The following STK3 variants were observed in gnomAD, a reference collection of about 807,000 sequenced individuals.
STK3 encodes serine/threonine kinase 3.
A neutral mutation model predicts 58.0 loss-of-function variants in STK3; 41 were observed. The ratio of observed to expected loss-of-function variants is 0.71; its 90% CI spans 0.55 to 0.92. STK3 has a LOEUF of 0.92. Among genes scored for constraint, STK3 ranks in the 40% least tolerant of loss-of-function variants. The pLI, the probability that STK3 is intolerant of heterozygous loss-of-function variation, is 0.00. For synonymous variants in STK3, 170 were observed against 191.0 expected (o/e 0.89, Z 0.91); for missense variants, 479 against 602.7 (o/e 0.79, Z 2.15).
chr8:98,497,665 T>C (rs1244931192), intron 10 of STK3, among the ~76,000 whole-genome samples: 2 of 152,148 alleles, frequency 1.3e-5, no homozygotes, highest in African/African-American at 4.8e-5. Context: ...AAAGACAATG[T>C]GCAAATGGAC....
chr8:98,888,129 G>A (rs1235620674), intron 1 of STK3, among the ~76,000 whole-genome samples: 2 of 152,070 alleles, frequency 1.3e-5, no homozygotes, highest in Non-Finnish European at 2.9e-5. Flanking sequence ...GAACAGCCTG[G>A]CCAACATGGT....
chr8:98,570,871 TAA>T, intron 8 of STK3, among the ~76,000 whole-genome samples: 1 of 152,294 alleles, frequency 6.6e-6, no homozygotes, highest in East Asian at 1.9e-4. Context: ...CCCAAAGACA[TAA>T]AGTTATTTGG....
chr8:98,849,766 C>A (rs1023619472), intron 3 of STK3, among the ~76,000 whole-genome samples: 3 of 152,014 alleles, frequency 2.0e-5, no homozygotes, highest in Non-Finnish European at 4.4e-5. Context: ...CTAACTGGCC[C>A]TCCTTGGAGG....
chr8:98,469,993 AT>A (rs1820795024), intron 10 of STK3, among the ~76,000 whole-genome samples: 1 of 152,178 alleles, frequency 6.6e-6, no homozygotes, highest in African/African-American at 2.4e-5. Context: ...GTAACTCTCA[AT>A]CTGAAATAAA....
chr8:98,614,641 A>C (rs1455956995), intron 6 of STK3, among the ~76,000 whole-genome samples: 2 of 152,236 alleles, frequency 1.3e-5, no homozygotes, highest in African/African-American at 2.4e-5. Context: ...GCATTGCCTC[A>C]CCTGGGAAGC....
chr8:98,502,737 C>G (rs138145696), intron 10 of STK3, among the ~76,000 whole-genome samples: 18 of 152,260 alleles, frequency 1.2e-4, no homozygotes, highest in Admixed American at 4.6e-4. Context: ...ACCAGCCTTG[C>G]ATCCCAGGGA....
At chr8:98,926,026 C>A (rs902774485) in intron 1 of STK3, among the ~76,000 whole-genome samples, 1 of 152,048 alleles carries the variant, frequency 6.6e-6, no homozygotes, top group Non-Finnish European at 1.5e-5. Flanking sequence ...AAAGAGGGGC[C>A]GGGGGAGAAG....
intron 10 of STK3, among the ~76,000 whole-genome samples, chr8:98,484,050 G>A (rs1382178295): frequency 1.1e-5 from 1 of 94,798 alleles, no homozygotes; most frequent in Non-Finnish European, 2.4e-5. Flanking sequence ...TGAATGAGAA[G>A]ATTTAGTTTC....
intron 6 of STK3, among the ~76,000 whole-genome samples, chr8:98,615,061 G>A (rs936596467): frequency 2.6e-5 from 4 of 151,936 alleles, no homozygotes; most frequent in Non-Finnish European, 4.4e-5. Context: ...AAATGTCCCT[G>A]TCTGACAGCT....
chr8:98,667,558 C>T (rs1822457351), intron 6 of STK3, among the ~76,000 whole-genome samples: 2 of 151,988 alleles, frequency 1.3e-5, no homozygotes, highest in Non-Finnish European at 1.5e-5. Context: ...GGCAACACTT[C>T]CTTTTAAAAA....
chr8:98,618,336 G>A (rs1418929134), intron 6 of STK3, among the ~76,000 whole-genome samples: 1 of 149,386 alleles, frequency 6.7e-6, no homozygotes, highest in South Asian at 2.1e-4. Flanking sequence ...AGCTATCTAT[G>A]ACAAACCCAC....
At chr8:98,903,558 T>TTCCTCTTCTTCTTCTTC (rs1564093765) in intron 1 of STK3, among the ~76,000 whole-genome samples, 6 of 68,828 alleles carry the variant, frequency 8.7e-5, no homozygotes, top group African/African-American at 3.2e-4. Flanking sequence ...TTCTTCTTCC[T>TTCCTCTTCTTCTTCTTC]TTTTTTTTTT....
chr8:98,803,610 A>C (rs1015845888), intron 1 of STK3, among the ~76,000 whole-genome samples: 3 of 117,860 alleles, frequency 2.5e-5, no homozygotes, highest in African/African-American at 1.1e-4. Context: ...AAAAAAAAAG[A>C]AAAAAAAAGA....
At chr8:98,362,391 G>A in the STK3 span, among the ~76,000 whole-genome samples, 1 of 152,164 alleles carries the variant, frequency 6.6e-6, no homozygotes, top group Admixed American at 6.5e-5. Flanking sequence ...GCCACTGTCT[G>A]CACACTCCCT....
intron 8 of STK3, among the ~76,000 whole-genome samples, chr8:98,570,008 T>C (rs542202883): frequency 7.3e-4 from 108 of 148,068 alleles, no homozygotes; most frequent in Middle Eastern, 3.6e-3. Context: ...GGAAAACCAG[T>C]AAAGAACAAA....
chr8:98,423,220 C>T (rs1003647022), intron 3 of STK3, among the ~76,000 whole-genome samples: 4 of 152,236 alleles, frequency 2.6e-5, no homozygotes, highest in African/African-American at 9.6e-5. Context: ...ATTTAATATA[C>T]GTGTCGTGAA....
At chr8:98,835,663 G>A (rs775407441) in intron 3 of STK3, among the ~76,000 whole-genome samples, 31 of 152,152 alleles carry the variant, frequency 2.0e-4, no homozygotes, top group Non-Finnish European at 2.9e-4. Context: ...AACCTAAGAG[G>A]AAGATTTCTG....
chr8:98,798,858 C>G (rs576939374), intron 1 of STK3, among the ~76,000 whole-genome samples: 4 of 152,188 alleles, frequency 2.6e-5, no homozygotes, highest in Non-Finnish European at 4.4e-5. Context: ...CTCCTCACCT[C>G]GTGAATGGGA....
At chr8:98,700,386 C>G (rs933162956) in intron 6 of STK3, among the ~76,000 whole-genome samples, 7 of 152,220 alleles carry the variant, frequency 4.6e-5, no homozygotes, top group Non-Finnish European at 7.3e-5. Flanking sequence ...CCTGCGCCCA[C>G]TGTCTGGCAC....
Sources: allele counts gnomAD v4.1 joint callset (sites outside exome capture counted in the v4.1 genomes callset), GRCh38; gene constraint gnomAD v4.1.1; transcripts MANE v1.5; gene names NCBI Gene and HGNC (gene_info 2026-07-23, HGNC 2026-07-21).